The following RAD50 variants were observed in gnomAD, a reference collection of about 807,000 sequenced individuals.
The protein encoded by RAD50 is RAD50 double strand break repair protein, also known as DNA repair protein RAD50.
A neutral mutation model predicts 168.8 loss-of-function variants in RAD50; 132 were observed. The observed-to-expected ratio is 0.78, with a 90% CI of 0.68 to 0.90. RAD50 has a LOEUF of 0.90. Ranked by LOEUF, RAD50 falls within the 40% of genes least tolerant of loss-of-function variation. The probability of loss-of-function intolerance (pLI) is 0.00; values close to 1 mark genes in which losing one functional copy is unlikely to be tolerated. For synonymous variants in RAD50, 525 were observed against 497.4 expected, an observed-to-expected ratio of 1.06 and a Z score of -0.74; for missense variants, 1,347 against 1,534.4, an observed-to-expected ratio of 0.88 and a Z score of 2.04.
intron 23 of RAD50, among the ~76,000 whole-genome samples, chr5:132,640,184 C>G (rs1751687105): frequency 1.3e-5 from 2 of 152,074 alleles, no homozygotes; most frequent in Admixed American, 1.3e-4. Context: ...TTTTTATTCT[C>G]TCAGTCTCAG....
Position 132,564,418 on chromosome 5 carries a change from CTG to C in RAD50, c.213+5054_213+5055del, listed in dbSNP as rs1344102437. ...AGCATTGTGCCCCTGCTCTAGGAAT[CTG>C]TGGAACTTTGAACTTGAAAGAGATG... On this transcript the variant is annotated intron_variant, in intron 2 of 24. Transcript: ENST00000378823. Among the ~76,000 whole-genome samples the C allele has an allele frequency of 2.0e-5, 3 of 152,314 alleles. No individual in the cohort carries two copies. The East Asian group carries it at 5.8e-4, about 29-fold the overall frequency.
At chr5:132,616,227 C>T in intron 20 of RAD50, 97 bp downstream of exon 20, 2 of 1,246,538 alleles carry the variant, frequency 1.6e-6, no homozygotes, top group East Asian at 2.4e-5. Flanking sequence ...TTAGCCTCAG[C>T]CTGGTATCCT....
At chr5:132,588,413 G>C (rs1038342726) in intron 7 of RAD50, among the ~76,000 whole-genome samples, 1 of 152,094 alleles carries the variant, frequency 6.6e-6, no homozygotes, top group Non-Finnish European at 1.5e-5. Context: ...CGACACAGGT[G>C]ATAAAATTAT....
In RAD50 at chr5:132,565,385, A is replaced by T. The variant is rs192138626; in HGVS notation, c.213+6018A>T. On this transcript the variant is annotated intron_variant, in intron 2 of 24. Transcript: ENST00000378823. ...TCCTCCTGTATGTAATCAATGTCTC[A>T]TCGTTGCATCAGGGCCCTAGCACCT... 7.2e-5 allele frequency among the ~76,000 whole-genome samples: 11 copies of T among 152,146 alleles called. No individual in the cohort carries two copies. The East Asian group carries it at 2.1e-3, about 29-fold the overall frequency.
At chr5:132,628,770 C>G (rs944146955) in intron 21 of RAD50, among the ~76,000 whole-genome samples, 1 of 151,896 alleles carries the variant, frequency 6.6e-6, no homozygotes, top group Non-Finnish European at 1.5e-5. Context: ...TCGCCTGAAC[C>G]CGGGAGGCGG....
chr5:132,579,576 T>TA, intron 4 of RAD50, 74 bp downstream of exon 4: 1 of 1,478,462 alleles, frequency 6.8e-7, no homozygotes, highest in Non-Finnish European at 9.4e-7. Context: ...TGCTTCTTTT[T>TA]AACAGAAAAA....
At chr5:132,580,105 T>C in intron 5 of RAD50, 39 bp downstream of exon 5, 6 of 1,465,712 alleles carry the variant, frequency 4.1e-6, no homozygotes, top group African/African-American at 1.4e-5. Flanking sequence ...AAATTGTATA[T>C]CTTTATGGTA....
At chr5:132,582,003 A>G (rs1750513397) in intron 5 of RAD50, among the ~76,000 whole-genome samples, 1 of 152,234 alleles carries the variant, frequency 6.6e-6, no homozygotes, top group African/African-American at 2.4e-5. Flanking sequence ...GGATAAAGAA[A>G]GAGAATTTCT....
chr5:132,585,228 A>G (rs373788778), intron 5 of RAD50, among the ~76,000 whole-genome samples: 1 of 152,204 alleles, frequency 6.6e-6, no homozygotes, highest in African/African-American at 2.4e-5. Context: ...GTTTAACCTT[A>G]TAAGTTACCA....
At chr5:132,604,081 A>G in intron 15 of RAD50, 35 bp downstream of exon 15, 2 of 1,610,332 alleles carry the variant, frequency 1.2e-6, no homozygotes, top group Non-Finnish European at 1.7e-6. Context: ...ACTCATAGAG[A>G]CTTTGACATT....
intron 23 of RAD50, among the ~76,000 whole-genome samples, chr5:132,640,115 AG>A (rs1751685131): frequency 6.6e-6 from 1 of 152,198 alleles, no homozygotes; most frequent in South Asian, 2.1e-4. Flanking sequence ...GATTTTCTAC[AG>A]GTAAGCTTAA....
intron 17 of RAD50, 84 bp downstream of exon 17, chr5:132,608,809 T>A: frequency 6.7e-7 from 1 of 1,487,828 alleles, no homozygotes; most frequent in Non-Finnish European, 9.0e-7. Context: ...TTATTTCACA[T>A]GAAATTAAAT....
chr5:132,622,152 A>G (rs950917216), intron 21 of RAD50, among the ~76,000 whole-genome samples: 1 of 150,892 alleles, frequency 6.6e-6, no homozygotes, highest in African/African-American at 2.4e-5. Context: ...AGAAACTCAC[A>G]TGGTTTTTTT....
At chr5:132,563,235 A>T (rs1750151488) in intron 2 of RAD50, among the ~76,000 whole-genome samples, 1 of 152,318 alleles carries the variant, frequency 6.6e-6, no homozygotes, top group Admixed American at 6.5e-5. Flanking sequence ...CTGGACAGAA[A>T]CATTGATGCA....
chr5:132,557,072 A>C lies in RAD50; in HGVS notation c.-253A>C, dbSNP rs1184663135. 1 of 657,726 alleles carries C rather than the reference A, an allele frequency of 1.5e-6. No homozygotes were observed. Among genetic ancestry groups the C allele is most frequent in the Non-Finnish European group, 2.5e-6 (1 of 403,034 alleles). The allele number at this position is 657,726 out of a possible 1,614,324, so 40.7% of individuals were successfully genotyped here. On this transcript the variant is annotated 5_prime_UTR_variant, in exon 1 of 25. Transcript: ENST00000378823. ...CTTTGCGTCCCCGGCGGGCAGCCCC[A>C]GGCTGGTCCCCGCCTCCGCTCTCCC...
chr5:132,643,031 C>G lies in RAD50; in HGVS notation c.*667C>G, dbSNP rs930827260. On this transcript the variant is annotated 3_prime_UTR_variant, in exon 25 of 25. Coordinates refer to ENST00000378823, the MANE Select transcript of RAD50 (RefSeq NM_005732.4). Reference sequence around the variant, plus strand: ...TGGTCATCCAGACTCAGAGCTCTCTCTACAGAGAGGAAATTCTCCACTGTG... The same window carrying G: ...TGGTCATCCAGACTCAGAGCTCTCTGTACAGAGAGGAAATTCTCCACTGTG... The G allele has an allele frequency of 1.9e-6, 1 of 529,318 alleles. No homozygotes were observed. Among genetic ancestry groups the G allele is most frequent in the Middle Eastern group, 2.9e-4 (1 of 3,440 alleles). The allele number at this position is 529,318 out of a possible 1,614,324, so 32.8% of individuals were successfully genotyped here. A position where few individuals can be genotyped will look rare whatever the true frequency, so the allele number is the denominator to read the frequency against.
At chr5:132,610,304 CAA>C (rs1251857572) in intron 19 of RAD50, among the ~76,000 whole-genome samples, 4 of 151,914 alleles carry the variant, frequency 2.6e-5, no homozygotes, top group Admixed American at 6.6e-5. Context: ...CATAAATTCA[CAA>C]AAGACGGATT....
At chr5:132,619,269 C>T (rs1034244203) in intron 21 of RAD50, among the ~76,000 whole-genome samples, 4 of 152,134 alleles carry the variant, frequency 2.6e-5, no homozygotes, top group African/African-American at 9.7e-5. Flanking sequence ...GAAATGACTA[C>T]TGATTTATAC....
chr5:132,589,592 A>G (rs1750659693), intron 8 of RAD50, 39 bp from the exon 9 acceptor site: 2 of 1,450,176 alleles, frequency 1.4e-6, no homozygotes, highest in Non-Finnish European at 1.9e-6. Flanking sequence ...TAAATTGTTT[A>G]GTAAATTATT....
Sources: allele counts gnomAD v4.1 joint callset (sites outside exome capture counted in the v4.1 genomes callset), GRCh38; gene constraint gnomAD v4.1.1; transcripts MANE v1.5; gene names NCBI Gene and HGNC (gene_info 2026-07-23, HGNC 2026-07-21).